Variants in PACRG observed in about 807,000 individuals in gnomAD.
PACRG encodes the protein parkin coregulated, also known as parkin coregulated gene protein.
In PACRG, 29 loss-of-function variants were observed where a neutral mutation model predicts 29.7. The observed-to-expected ratio is 0.98, with a 90% CI of 0.73 to 1.33. PACRG has a LOEUF of 1.33. Ranked by LOEUF, PACRG falls within the 40% of genes most tolerant of loss-of-function variation. The pLI, the probability that PACRG is intolerant of heterozygous loss-of-function variation, is 0.00. For synonymous variants in PACRG, 116 were observed against 118.7 expected (o/e 0.98, Z 0.15); for missense variants, 279 against 316.2 (o/e 0.88, Z 0.89).
At chr6:163,306,982 T>C (rs962611651) in intron 4 of PACRG, among the ~76,000 whole-genome samples, 1 of 152,242 alleles carries the variant, frequency 6.6e-6, no homozygotes, top group Non-Finnish European at 1.5e-5. Flanking sequence ...AGTTATTGAA[T>C]AGTATAGCTA....
At chr6:162,876,847 T>C (rs1793396723) in intron 2 of PACRG, among the ~76,000 whole-genome samples, 1 of 152,210 alleles carries the variant, frequency 6.6e-6, no homozygotes, top group Non-Finnish European at 1.5e-5. Context: ...TTTTAAGTCT[T>C]ACATTTAAGT....
intron 2 of PACRG, among the ~76,000 whole-genome samples, chr6:162,952,314 G>A (rs1182966538): frequency 6.6e-6 from 1 of 152,124 alleles, no homozygotes; most frequent in Non-Finnish European, 1.5e-5. Context: ...TTGCCTTTCA[G>A]CAGCTAGGTA....
At chr6:163,207,909 G>T (rs1320618169) in intron 4 of PACRG, among the ~76,000 whole-genome samples, 1 of 152,208 alleles carries the variant, frequency 6.6e-6, no homozygotes, top group Admixed American at 6.5e-5. Flanking sequence ...GTCTTAGAAA[G>T]AAAGGCAAGC....
intron 2 of PACRG, among the ~76,000 whole-genome samples, chr6:162,951,444 C>A (rs796294607): frequency 3.3e-5 from 5 of 152,324 alleles, no homozygotes; most frequent in African/African-American, 1.2e-4. Flanking sequence ...AATTCTCTGT[C>A]AGATATTTCT....
At chr6:163,301,098 G>A (rs1447535489) in intron 4 of PACRG, among the ~76,000 whole-genome samples, 1 of 151,160 alleles carries the variant, frequency 6.6e-6, no homozygotes, top group Non-Finnish European at 1.5e-5. Context: ...GGCCACGTCT[G>A]CTGCTTCCCG....
chr6:162,845,485 T>G (rs1039790639), intron 2 of PACRG, among the ~76,000 whole-genome samples: 4 of 152,138 alleles, frequency 2.6e-5, no homozygotes, highest in African/African-American at 9.7e-5. Flanking sequence ...GATAAAATAT[T>G]TGCTAAAAAA....
At position 163,055,788 on chromosome 6, in the gene PACRG, C is replaced by A. The variant is rs924953360; in HGVS notation, c.292-6362C>A. ...GTGTGACCATGACCACCATCTAGTT[C>A]CAGAACTTTTTCATCACCCCACATG... is the stretch of plus-strand genomic sequence containing the variant. On this transcript the variant is annotated intron_variant, in intron 2 of 4. Coordinates refer to ENST00000366888, the MANE Select transcript of PACRG (RefSeq NM_001080379.2). The surrounding 1 kb of genome is among the most constrained non-coding windows in gnomAD (Gnocchi z 4.0). 6.6e-6 allele frequency among the ~76,000 whole-genome samples: 1 copy of A among 152,090 alleles called. No individual in the cohort carries two copies. The highest frequency in any genetic ancestry group is 1.5e-5 in the Non-Finnish European group (1 of 68,034).
chr6:162,860,214 T>C lies in PACRG; in HGVS notation c.291+45933T>C, dbSNP rs1475114928. Among the ~76,000 whole-genome samples, 3 of 152,204 alleles carry C rather than the reference T, an allele frequency of 2.0e-5. No individual in the cohort carries two copies. The East Asian group carries it at 5.8e-4, about 29-fold the overall frequency. On this transcript the variant is annotated intron_variant, in intron 2 of 4. Transcript: ENST00000366888. ...TCAAGAGGATAACTAAAGAAAACAT[T>C]CTTGTAACAGGGGAAGAAGTAATTC...
intron 4 of PACRG, among the ~76,000 whole-genome samples, chr6:163,195,350 A>C (rs1254546840): frequency 6.6e-6 from 1 of 152,110 alleles, no homozygotes; most frequent in Non-Finnish European, 1.5e-5. Context: ...TGCCAAAGAG[A>C]AGTTTAACCA....
At chr6:162,943,012 G>T (rs1246299471) in intron 2 of PACRG, among the ~76,000 whole-genome samples, 1 of 152,220 alleles carries the variant, frequency 6.6e-6, no homozygotes, top group Non-Finnish European at 1.5e-5. Context: ...GGCTCCCAGT[G>T]CAGGGAAAGG....
At chr6:163,270,226 A>G (rs1175978813) in intron 4 of PACRG, among the ~76,000 whole-genome samples, 1 of 152,160 alleles carries the variant, frequency 6.6e-6, no homozygotes, top group East Asian at 1.9e-4. Context: ...AAAATAAAAG[A>G]TCATCTCATA....
intron 4 of PACRG, among the ~76,000 whole-genome samples, chr6:163,168,165 G>A (rs2128345235): frequency 6.6e-6 from 1 of 152,248 alleles, no homozygotes; most frequent in South Asian, 2.1e-4. Flanking sequence ...AACAGAATGG[G>A]CACTCCAATA....
intron 4 of PACRG, among the ~76,000 whole-genome samples, chr6:163,161,769 G>A (rs1291495247): frequency 6.6e-6 from 1 of 152,174 alleles, no homozygotes; most frequent in African/African-American, 2.4e-5. Flanking sequence ...CGGGGTTCAA[G>A]TGAGTTCATT....
At chr6:163,121,960 C>T (rs1816296343) in intron 4 of PACRG, among the ~76,000 whole-genome samples, 1 of 152,066 alleles carries the variant, frequency 6.6e-6, no homozygotes, top group African/African-American at 2.4e-5. Context: ...CCACGCCTGG[C>T]CGGTGATCTT....
rs1791061614 is a variant in PACRG, at chr6:162,853,047, G to A, written c.291+38766G>A. ...CTGGGGCCTTGCAGCCAGAGACAGT[G>A]AACTGTCAGGTTTGGGATGGATGAG... is the stretch of plus-strand genomic sequence containing the variant. On this transcript the variant is annotated intron_variant, in intron 2 of 4. Transcript: ENST00000366888. The surrounding 1 kb of genome is among the most constrained non-coding windows in gnomAD (Gnocchi z 4.7). 6.6e-6 allele frequency among the ~76,000 whole-genome samples: 1 copy of A among 152,318 alleles called. No individual in the cohort carries two copies. The highest frequency in any genetic ancestry group is 2.1e-4 in the South Asian group (1 of 4,824).
At chr6:162,916,833 T>C (rs1430807908) in intron 2 of PACRG, among the ~76,000 whole-genome samples, 1 of 152,062 alleles carries the variant, frequency 6.6e-6, no homozygotes, top group African/African-American at 2.4e-5. Context: ...AGAGACGCAA[T>C]GATGAATGGA....
intron 2 of PACRG, among the ~76,000 whole-genome samples, chr6:163,057,682 C>G (rs1446695250): frequency 6.6e-6 from 1 of 152,188 alleles, no homozygotes; most frequent in Non-Finnish European, 1.5e-5. Context: ...ATTGTGGATT[C>G]TGCTTTTTAA....
intron 4 of PACRG, among the ~76,000 whole-genome samples, chr6:163,150,751 G>T (rs1405128269): frequency 1.3e-5 from 2 of 152,226 alleles, no homozygotes; most frequent in African/African-American, 4.8e-5. Flanking sequence ...GCTTTGACCA[G>T]TGAAATCTGG....
chr6:163,088,117 C>T (rs932084091), intron 3 of PACRG, among the ~76,000 whole-genome samples: 1 of 152,112 alleles, frequency 6.6e-6, no homozygotes, highest in Non-Finnish European at 1.5e-5. Flanking sequence ...CTGGCAAGAT[C>T]CAGGCTGATG....
Sources: gnomAD v4.1 joint callset for allele counts (sites outside exome capture counted in the v4.1 genomes callset) on GRCh38, gnomAD v4.1.1 for gene constraint, Gnocchi (gnomAD v3.1) non-coding constraint, MANE v1.5 for transcripts, NCBI Gene and HGNC (gene_info 2026-07-23, HGNC 2026-07-21) for gene names.